FAM216A: variants seen among roughly 807,000 people sequenced by gnomAD.
FAM216A encodes the protein protein FAM216A.
A neutral mutation model predicts 37.6 loss-of-function variants in FAM216A; 26 were observed. The ratio of observed to expected loss-of-function variants is 0.69; its 90% CI spans 0.51 to 0.96. FAM216A has a LOEUF of 0.96. Among genes scored for constraint, FAM216A ranks in the 40% least tolerant of loss-of-function variants. The pLI is 0.00. For synonymous variants in FAM216A, 110 were observed against 121.7 expected, an observed-to-expected ratio of 0.90 and a Z score of 0.64; for missense variants, 326 against 339.3, an observed-to-expected ratio of 0.96 and a Z score of 0.31.
chr12:110,483,329 T>TGAAAAAAAAAA (rs2062759044), intron 2 of FAM216A, among the ~76,000 whole-genome samples: 1 of 86,548 alleles, frequency 1.2e-5, no homozygotes, highest in African/African-American at 1.0e-4. Flanking sequence ...AGACTCCTTC[T>TGAAAAAAAAAA]CAAAAAAAAA....
At chr12:110,477,221 C>T (rs1427320055) in intron 2 of FAM216A, among the ~76,000 whole-genome samples, 3 of 152,288 alleles carry the variant, frequency 2.0e-5, no homozygotes, top group African/African-American at 7.2e-5. Context: ...TGATGTCTGC[C>T]AGCTTTCACC....
intron 2 of FAM216A, among the ~76,000 whole-genome samples, chr12:110,480,824 C>T (rs1274379384): frequency 6.6e-6 from 1 of 151,902 alleles, no homozygotes; most frequent in Non-Finnish European, 1.5e-5. Flanking sequence ...ATCGCTGGAG[C>T]CCAGGAGTTT....
intron 6 of FAM216A, among the ~76,000 whole-genome samples, chr12:110,488,410 C>CAAAAAAAAAA (rs572459416): frequency 3.9e-5 from 2 of 50,940 alleles, no homozygotes; most frequent in African/African-American, 7.2e-5. Flanking sequence ...GACTCCATCT[C>CAAAAAAAAAA]AAAAAAAAAA....
At chr12:110,488,177 A>G (rs1205412339) in intron 6 of FAM216A, among the ~76,000 whole-genome samples, 1 of 152,178 alleles carries the variant, frequency 6.6e-6, no homozygotes, top group Non-Finnish European at 1.5e-5. Context: ...TGGGAGGCCG[A>G]GTCAGGCAGA....
In FAM216A at chr12:110,472,975, CAAAAAAAA is replaced by C. The variant is rs879057348; in HGVS notation, c.144-81_144-74del. The stretch of plus-strand genomic sequence containing the variant: ...TGGGTGACAAAGTGAGACCCTGTCT[CAAAAAAAA>C]AAAAAAAAAAAAAAAAAAAAATTGA... On this transcript the variant is annotated intron_variant, in intron 1 of 6. Coordinates refer to ENST00000377673, the MANE Select transcript of FAM216A (RefSeq NM_013300.3). 673 of 87,228 alleles carry C rather than the reference CAAAAAAAA, an allele frequency of 7.7e-3. 2 individuals are homozygous for C. The highest frequency in any genetic ancestry group is 0.042 in the African/African-American group (509 of 12,072). 5.4% of individuals were successfully genotyped at this position (87,228 alleles called of 1,614,324 possible).
chr12:110,483,157 C>G (rs893338531), intron 2 of FAM216A, among the ~76,000 whole-genome samples: 1 of 151,872 alleles, frequency 6.6e-6, no homozygotes, highest in East Asian at 1.9e-4. Flanking sequence ...AACGCCGTCT[C>G]TACTAAAAAT....
chr12:110,470,908 A>G (rs2062683131), intron 1 of FAM216A, among the ~76,000 whole-genome samples: 1 of 152,140 alleles, frequency 6.6e-6, no homozygotes, highest in African/African-American at 2.4e-5. Flanking sequence ...TGAAAAGCTT[A>G]TATTCCCAGA....
chr12:110,477,261 A>G (rs1210354994), intron 2 of FAM216A, among the ~76,000 whole-genome samples: 1 of 152,220 alleles, frequency 6.6e-6, no homozygotes, highest in Admixed American at 6.5e-5. Flanking sequence ...TACCCTTTGT[A>G]AAGGTAAAAG....
At chr12:110,478,963 T>C (rs1017203309) in intron 2 of FAM216A, among the ~76,000 whole-genome samples, 4 of 150,478 alleles carry the variant, frequency 2.7e-5, no homozygotes, top group African/African-American at 5.0e-5. Context: ...CCGAGGCGGG[T>C]GGATCACGAG....
chr12:110,480,492 C>A (rs1004219963), intron 2 of FAM216A, among the ~76,000 whole-genome samples: 7 of 151,780 alleles, frequency 4.6e-5, no homozygotes, highest in African/African-American at 1.4e-4. Context: ...TGTGAGCCAC[C>A]ACGCCCAGCC....
At chr12:110,480,193 ATTTTTTTTTTTTTTT>A (rs71083126) in intron 2 of FAM216A, among the ~76,000 whole-genome samples, 1 of 30,844 alleles carries the variant, frequency 3.2e-5, no homozygotes, top group African/African-American at 1.3e-4. Context: ...CGCCTAGCTA[ATTTTTTTTTTTTTTT>A]TTTTTTTTTT....
intron 1 of FAM216A, among the ~76,000 whole-genome samples, chr12:110,470,636 T>A (rs1010453564): frequency 6.6e-6 from 1 of 151,932 alleles, no homozygotes; most frequent in South Asian, 2.1e-4. Context: ...CGCCACCACG[T>A]ACCTGGCTAA....
At chr12:110,479,894 T>C (rs907686435) in intron 2 of FAM216A, among the ~76,000 whole-genome samples, 2 of 151,926 alleles carry the variant, frequency 1.3e-5, no homozygotes, top group African/African-American at 2.4e-5. Flanking sequence ...AGTAGTTAAT[T>C]AGAGATCAGT....
upstream of FAM216A, chr12:110,468,758 C>A (rs2062657312): frequency 8.1e-6 from 12 of 1,479,436 alleles, no homozygotes; most frequent in Non-Finnish European, 1.1e-5. Context: ...CTGCCCGCCC[C>A]GCTCTCCCGA....
In FAM216A at chr12:110,486,615, A is replaced by T. The variant is rs149618288; in HGVS notation, c.518A>T (p.Gln173Leu). 6.2e-7 allele frequency: 1 copy of T among 1,614,062 alleles called. No homozygotes were observed. Among genetic ancestry groups the T allele is most frequent in the South Asian group, 1.1e-5 (1 of 91,090 alleles). Reference protein sequence around the residue: ...QHYPCTTWRHQLEREDSGSSD... With the variant: ...QHYPCTTWRHLLEREDSGSSD... ...TACCCTTGCACTACATGGCGACATC[A>T]ACTGGAGAGAGAGGACTCGGGGTCT... is the stretch of plus-strand genomic sequence containing the variant. Residue 173 changes from glutamine to leucine, a missense_variant, in exon 5 of 7, where the codon CAA becomes CTA. By Grantham distance (113) the Gln-to-Leu change is moderately radical (BLOSUM62 -2). Transcript: ENST00000377673.
Position 110,471,197 on chromosome 12 carries a change from C to T in FAM216A, c.144-1881C>T, listed in dbSNP as rs191948347. Reference sequence around the variant, plus strand: ...GCAACCTCCGCCTCCCAGGTTCAAGCGATTCTCCTGCCTCCTGAGTAGCTG... The same window carrying T: ...GCAACCTCCGCCTCCCAGGTTCAAGTGATTCTCCTGCCTCCTGAGTAGCTG... On this transcript the variant is annotated intron_variant, in intron 1 of 6. Transcript: ENST00000377673. Among the ~76,000 whole-genome samples, 327 of 152,062 alleles carry T rather than the reference C, an allele frequency of 2.2e-3. 1 individual carries two copies. Among genetic ancestry groups the T allele is most frequent in the Non-Finnish European group, 4.2e-3 (283 of 67,978 alleles).
intron 2 of FAM216A, among the ~76,000 whole-genome samples, chr12:110,473,790 C>T (rs535611856): frequency 1.3e-5 from 2 of 152,224 alleles, no homozygotes; most frequent in South Asian, 2.1e-4. Flanking sequence ...CTGATGTTTT[C>T]CTCTCACTTG....
chr12:110,469,135 C>T, intron 1 of FAM216A, 117 bp downstream of exon 1: 15 of 1,199,784 alleles, frequency 1.3e-5, no homozygotes, highest in Non-Finnish European at 1.6e-5. Flanking sequence ...CGGGGGCTGG[C>T]CCCGGTGCCC....
At chr12:110,473,204 GT>G (rs1236736879) in intron 2 of FAM216A, 86 bp downstream of exon 2, 1 of 676,330 alleles carries the variant, frequency 1.5e-6, no homozygotes, top group African/African-American at 1.9e-5. Context: ...ACACAATAGA[GT>G]TTTTTTCTTT....
Sources: allele counts gnomAD v4.1 joint callset (sites outside exome capture counted in the v4.1 genomes callset), GRCh38; gene constraint gnomAD v4.1.1; transcripts MANE v1.5; gene names NCBI Gene and HGNC (gene_info 2026-07-23, HGNC 2026-07-21).